The following SLAMF6 variants were observed in gnomAD, a reference collection of about 807,000 sequenced individuals.
SLAMF6 encodes the protein SLAM family member 6, also known as NK-T-B-antigen.
In SLAMF6, 21 loss-of-function variants were observed where a neutral mutation model predicts 38.3. That is an observed-to-expected ratio of 0.55 (90% CI 0.39 to 0.79). The LOEUF (loss-of-function observed/expected upper bound fraction) is 0.79, where lower values mean the gene tolerates loss of function less well. Ranked by LOEUF, SLAMF6 falls within the 30% of genes least tolerant of loss-of-function variation. The probability of loss-of-function intolerance (pLI) is 0.00; values close to 1 mark genes in which losing one functional copy is unlikely to be tolerated. For missense variants in SLAMF6, 341 were observed against 385.3 expected (o/e 0.89, Z 0.96); for synonymous variants, 152 against 146.3 (o/e 1.04, Z -0.28).
intron 1 of SLAMF6, among the ~76,000 whole-genome samples, 163 bp from the exon 2 acceptor site, chr1:160,496,556 T>G (rs756889417): frequency 2.0e-5 from 3 of 152,150 alleles, no homozygotes; most frequent in Non-Finnish European, 4.4e-5. Context: ...AAATGAATAA[T>G]CACAGTCCCA....
intron 1 of SLAMF6, among the ~76,000 whole-genome samples, chr1:160,508,245 C>G (rs933935656): frequency 1.3e-5 from 2 of 152,178 alleles, no homozygotes; most frequent in Non-Finnish European, 2.9e-5. Flanking sequence ...ATCTCACTAC[C>G]TGACTTCAAA....
At chr1:160,513,610 G>A (rs1654601707) in intron 1 of SLAMF6, among the ~76,000 whole-genome samples, 1 of 152,134 alleles carries the variant, frequency 6.6e-6, no homozygotes, top group African/African-American at 2.4e-5. Flanking sequence ...GGCAGCCAGA[G>A]AGAAAGGCCA....
At chr1:160,508,102 C>A (rs1393312545) in intron 1 of SLAMF6, among the ~76,000 whole-genome samples, 1 of 152,092 alleles carries the variant, frequency 6.6e-6, no homozygotes. Flanking sequence ...TTTGTAGATT[C>A]AATGCCATCC....
At chr1:160,500,465 C>T (rs1290396155) in intron 1 of SLAMF6, among the ~76,000 whole-genome samples, 2 of 152,112 alleles carry the variant, frequency 1.3e-5, no homozygotes, top group African/African-American at 4.8e-5. Flanking sequence ...ACTCTTTTGC[C>T]TCCATAAAGT....
chr1:160,515,831 A>G (rs1262594972), intron 1 of SLAMF6, among the ~76,000 whole-genome samples: 2 of 152,184 alleles, frequency 1.3e-5, no homozygotes, highest in East Asian at 3.8e-4. Context: ...CTCTCAATAA[A>G]CCAGGTATTG....
chr1:160,501,417 T>C (rs1653885359), intron 1 of SLAMF6, among the ~76,000 whole-genome samples: 2 of 152,238 alleles, frequency 1.3e-5, no homozygotes, highest in Non-Finnish European at 2.9e-5. Context: ...TTTGTTATAA[T>C]TACAAGATTA....
At chr1:160,510,073 G>A (rs1318419613) in intron 1 of SLAMF6, among the ~76,000 whole-genome samples, 1 of 151,860 alleles carries the variant, frequency 6.6e-6, no homozygotes, top group Non-Finnish European at 1.5e-5. Context: ...AAATTAAAGA[G>A]GACCTATAAC....
intron 1 of SLAMF6, among the ~76,000 whole-genome samples, chr1:160,507,683 T>C (rs1654262412): frequency 6.6e-6 from 1 of 152,108 alleles, no homozygotes; most frequent in East Asian, 1.9e-4. Context: ...CTTAAATATA[T>C]GATGTCTTCT....
intron 1 of SLAMF6, among the ~76,000 whole-genome samples, chr1:160,514,335 T>A (rs1333226116): frequency 6.6e-6 from 1 of 152,138 alleles, no homozygotes; most frequent in Non-Finnish European, 1.5e-5. Context: ...ATGCACCCAA[T>A]ACAAAAGCAG....
chr1:160,511,050 GA>G (rs1432729170), intron 1 of SLAMF6, among the ~76,000 whole-genome samples: 1 of 152,086 alleles, frequency 6.6e-6, no homozygotes, highest in African/African-American at 2.4e-5. Context: ...ATAATACACT[GA>G]AAACTAAATA....
intron 1 of SLAMF6, among the ~76,000 whole-genome samples, chr1:160,498,903 T>G (rs1490496842): frequency 1.3e-5 from 2 of 152,214 alleles, no homozygotes; most frequent in Non-Finnish European, 2.9e-5. Context: ...CATTTTTTAA[T>G]GGGGTTATTC....
intron 1 of SLAMF6, among the ~76,000 whole-genome samples, chr1:160,514,490 C>G (rs1390159910): frequency 6.6e-6 from 1 of 152,204 alleles, no homozygotes; most frequent in Non-Finnish European, 1.5e-5. Flanking sequence ...GAACTCAGCT[C>G]TAGATCAAGT....
intron 3 of SLAMF6, 78 bp downstream of exon 3, chr1:160,491,047 T>G: frequency 6.4e-7 from 1 of 1,561,076 alleles, no homozygotes; most frequent in Non-Finnish European, 8.7e-7. Flanking sequence ...GGCCACTGTA[T>G]TGGAAATTAC....
chr1:160,516,030 A>C (rs1654727061), intron 1 of SLAMF6, among the ~76,000 whole-genome samples: 1 of 152,226 alleles, frequency 6.6e-6, no homozygotes, highest in Admixed American at 6.5e-5. Context: ...AAAGAAATAA[A>C]GCATATTCAC....
rs1461559042 is a variant in SLAMF6, at chr1:160,487,322, A to C, written c.880-147T>G. On this transcript the variant is annotated intron_variant, in intron 6 of 7. Coordinates refer to ENST00000368057, the MANE Select transcript of SLAMF6 (RefSeq NM_001184714.2). Reference sequence around the variant, plus strand: ...CTGGGGAATGTTCAGTGGAAGACCAAGCACGACTAGCTATCAAACTTGTGA... The same window carrying C: ...CTGGGGAATGTTCAGTGGAAGACCACGCACGACTAGCTATCAAACTTGTGA... The C allele has an allele frequency of 9.0e-6, 6 of 665,822 alleles. 1 individual carries two copies. The highest frequency in any genetic ancestry group is 1.5e-5 in the Non-Finnish European group (6 of 396,160). 41.2% of individuals were successfully genotyped at this position (665,822 alleles called of 1,614,324 possible). A position where few individuals can be genotyped will look rare whatever the true frequency, so the allele number is the denominator to read the frequency against.
intron 1 of SLAMF6, among the ~76,000 whole-genome samples, chr1:160,507,518 A>G (rs1219641411): frequency 6.6e-6 from 1 of 152,122 alleles, no homozygotes; most frequent in East Asian, 1.9e-4. Context: ...GAGGACTTGG[A>G]AAACATTATA....
At chr1:160,507,656 C>T (rs925368386) in intron 1 of SLAMF6, among the ~76,000 whole-genome samples, 19 of 151,920 alleles carry the variant, frequency 1.3e-4, no homozygotes, top group Admixed American at 9.8e-4. Flanking sequence ...AAACAAGTCT[C>T]AATAAATTAT....
chr1:160,518,899 T>G (rs1654865271), intron 1 of SLAMF6, among the ~76,000 whole-genome samples: 1 of 152,110 alleles, frequency 6.6e-6, no homozygotes, highest in Non-Finnish European at 1.5e-5. Context: ...TTGCATATCC[T>G]GCACGTGTAT....
At chr1:160,489,363 G>A (rs947959880) in intron 5 of SLAMF6, among the ~76,000 whole-genome samples, 193 bp from the exon 6 acceptor site, 2 of 152,064 alleles carry the variant, frequency 1.3e-5, no homozygotes, top group African/African-American at 4.8e-5. Flanking sequence ...GTCTATTTCT[G>A]ACCACATCTC....
Sources: gnomAD v4.1 joint callset for allele counts (sites outside exome capture counted in the v4.1 genomes callset) on GRCh38, gnomAD v4.1.1 for gene constraint, MANE v1.5 for transcripts, NCBI Gene and HGNC (gene_info 2026-07-23, HGNC 2026-07-21) for gene names.